Variants in PADI1 observed in about 807,000 individuals in gnomAD.
PADI1 encodes the protein protein-arginine deiminase type-1.
A neutral mutation model predicts 74.8 loss-of-function variants in PADI1; 65 were observed. That is an observed-to-expected ratio of 0.87 (90% CI 0.71 to 1.07). The LOEUF is 1.07. PADI1 is among the 50% of genes least tolerant of loss of function. The pLI is 0.00. For missense variants in PADI1, 943 were observed against 854.0 expected (o/e 1.10, Z -1.30); for synonymous variants, 371 against 336.2 (o/e 1.10, Z -1.13).
At chr1:17,208,500 GGC>G (rs1212558727) in intron 1 of PADI1, among the ~76,000 whole-genome samples, 1 of 109,774 alleles carries the variant, frequency 9.1e-6, no homozygotes, top group Admixed American at 8.8e-5. Flanking sequence ...GACTCCAGAG[GGC>G]TAGCTAACCA....
intron 1 of PADI1, among the ~76,000 whole-genome samples, chr1:17,213,972 G>A (rs564698476): frequency 1.3e-5 from 2 of 152,234 alleles, no homozygotes; most frequent in Non-Finnish European, 2.9e-5. Context: ...GGGTGAGTAG[G>A]AGGACGCTGC....
chr1:17,222,290 T>C lies in PADI1; in HGVS notation c.93T>C (p.Ser31=), dbSNP rs754515464. Residue 31 remains serine, a splice_region_variant and synonymous_variant, in exon 2 of 16, where the codon AGT becomes AGC. Transcript: ENST00000375471. ...VGVEAHVDIH[S]DVPKGANSFR... is the part of the protein sequence containing the mutation. Reference sequence around the variant, plus strand: ...TCTTCCCATCTCTCTTCTCTGCCAGTGATGTGCCCAAGGGTGCCAACAGCT... The same window carrying C: ...TCTTCCCATCTCTCTTCTCTGCCAGCGATGTGCCCAAGGGTGCCAACAGCT... The C allele has an allele frequency of 1.2e-5, 19 of 1,612,652 alleles. No homozygotes were observed. The highest frequency in any genetic ancestry group is 1.6e-5 in the Non-Finnish European group (19 of 1,178,762).
intron 8 of PADI1, among the ~76,000 whole-genome samples, chr1:17,229,335 A>G (rs562933432): frequency 2.0e-5 from 3 of 152,270 alleles, no homozygotes; most frequent in Non-Finnish European, 2.9e-5. Context: ...TCTCAGATTT[A>G]GTCTGGGCAG....
chr1:17,237,606 A>C, intron 12 of PADI1, 148 bp downstream of exon 12: 3 of 622,124 alleles, frequency 4.8e-6, no homozygotes, highest in Non-Finnish European at 7.8e-6. Context: ...GCACCCTGAC[A>C]CGCTCATCCT....
chr1:17,236,602 A>G (rs1395289829), intron 11 of PADI1, among the ~76,000 whole-genome samples: 3 of 152,110 alleles, frequency 2.0e-5, no homozygotes, highest in African/African-American at 7.2e-5. Context: ...AAAATTACAA[A>G]AATTAGCCGT....
intron 5 of PADI1, 51 bp downstream of exon 5, chr1:17,225,979 G>A (rs770996598): frequency 9.9e-6 from 16 of 1,611,616 alleles, no homozygotes; most frequent in Non-Finnish European, 1.4e-5. Context: ...GATGGAAGTG[G>A]ATCCTGTTGG....
chr1:17,205,188 G>C lies in PADI1; in HGVS notation c.-30G>C, dbSNP rs922043226. 6 of 1,597,348 alleles carry C rather than the reference G, an allele frequency of 3.8e-6. No individual in the cohort carries two copies. Among genetic ancestry groups the C allele is most frequent in the Non-Finnish European group, 5.1e-6 (6 of 1,165,376 alleles). ...GGACGGGAGCTGGGGAGCCAGGGCTGATCTAGGAGGCTGGGAGCCAGGTGA... is the reference window on the plus strand; with the variant it reads ...GGACGGGAGCTGGGGAGCCAGGGCTCATCTAGGAGGCTGGGAGCCAGGTGA... On this transcript the variant is annotated 5_prime_UTR_variant, in exon 1 of 16. Transcript: ENST00000375471.
At chr1:17,239,531 C>T (rs946299195) in intron 13 of PADI1, 173 bp from the exon 14 acceptor site, 1 of 566,928 alleles carries the variant, frequency 1.8e-6, no homozygotes. Context: ...GTTTTCCTTG[C>T]AGCCATGGCT....
At chr1:17,237,270 C>A in intron 11 of PADI1, 44 bp from the exon 12 acceptor site, 2 of 1,559,710 alleles carry the variant, frequency 1.3e-6, no homozygotes, top group South Asian at 1.2e-5. Flanking sequence ...GGCCTGATGC[C>A]TCTCAGGCAC....
intron 1 of PADI1, among the ~76,000 whole-genome samples, chr1:17,218,272 A>G: frequency 6.6e-6 from 1 of 152,316 alleles, no homozygotes; most frequent in Non-Finnish European, 1.5e-5. Flanking sequence ...TTATACTATT[A>G]TTTTTACATT....
chr1:17,215,524 T>C (rs768925367), intron 1 of PADI1, among the ~76,000 whole-genome samples: 1 of 152,134 alleles, frequency 6.6e-6, no homozygotes, highest in Non-Finnish European at 1.5e-5. Flanking sequence ...AAGGGCTGTG[T>C]CTGGCACCGG....
At chr1:17,213,463 G>A (rs942856766) in intron 1 of PADI1, among the ~76,000 whole-genome samples, 11 of 152,204 alleles carry the variant, frequency 7.2e-5, no homozygotes, top group African/African-American at 2.4e-4. Context: ...ACCCCAGAGA[G>A]AGGCTTCTTT....
In PADI1 at chr1:17,224,407, G is replaced by A. The variant is rs773969090; in HGVS notation, c.387G>A (p.Val129=). ...LEVDTGRTGK[V]KRSQGDKKTW... ...TTGACACAGGCCGCACAGGCAAGGT[G>A]AAGAGGAGCCAAGGGGACAAGGTGA... The change falls in exon 4 of 16, where the codon GTG becomes GTA. Residue 129 remains valine (V), a synonymous_variant. Coordinates refer to ENST00000375471, the MANE Select transcript of PADI1 (RefSeq NM_013358.3). 2.5e-5 allele frequency: 40 copies of A among 1,613,868 alleles called. No individual in the cohort carries two copies. The highest frequency in any genetic ancestry group is 5.0e-5 in the Admixed American group (3 of 59,998).
chr1:17,229,944 C>A (rs775626643), intron 8 of PADI1, 141 bp from the exon 9 acceptor site: 7 of 707,694 alleles, frequency 9.9e-6, no homozygotes, highest in African/African-American at 5.4e-5. Context: ...CTTCCCCATG[C>A]GCCTATGAGC....
chr1:17,223,892 C>A (rs192962853), intron 3 of PADI1, among the ~76,000 whole-genome samples, 199 bp downstream of exon 3: 2 of 152,346 alleles, frequency 1.3e-5, no homozygotes, highest in African/African-American at 4.8e-5. Context: ...CCACAAGGAT[C>A]TAGAAACTTC....
chr1:17,210,573 C>G (rs1490689677), intron 1 of PADI1, among the ~76,000 whole-genome samples: 1 of 152,076 alleles, frequency 6.6e-6, no homozygotes, highest in Non-Finnish European at 1.5e-5. Flanking sequence ...GCGCCCTCAG[C>G]CTGGGCTCTC....
At chr1:17,240,853 A>G (rs1021941529) in intron 15 of PADI1, 93 bp downstream of exon 15, 23 of 1,426,750 alleles carry the variant, frequency 1.6e-5, no homozygotes, top group Non-Finnish European at 2.2e-5. Flanking sequence ...CAGAGGCTGG[A>G]GGGCCCTGCG....
At chr1:17,213,189 A>ATTAGGGAAAAGGAG (rs11267550) in intron 1 of PADI1, among the ~76,000 whole-genome samples, 121,073 of 151,968 alleles carry the variant, frequency 0.8, 48,458 homozygotes, top group East Asian at 0.96. Flanking sequence ...GTAATCTCCT[A>ATTAGGGAAAAGGAG]CCAGGCTGGT....
chr1:17,239,700 G>A lies in PADI1; in HGVS notation c.1553-4G>A, dbSNP rs1285984460. ...AGCTATGTACTGTCTTTCTCTTCTT[G>A]CAGGGTTAAAACACCAGGCAAAAAG... On this transcript the variant is annotated splice_region_variant and splice_polypyrimidine_tract_variant and intron_variant, in intron 13 of 15. Coordinates refer to ENST00000375471, the MANE Select transcript of PADI1 (RefSeq NM_013358.3). 1 of 1,612,034 alleles carries A rather than the reference G, an allele frequency of 6.2e-7. No individual in the cohort carries two copies. The highest frequency in any genetic ancestry group is 8.5e-7 in the Non-Finnish European group (1 of 1,178,082).
Sources: gnomAD v4.1 joint callset for allele counts (sites outside exome capture counted in the v4.1 genomes callset) on GRCh38, gnomAD v4.1.1 for gene constraint, MANE v1.5 for transcripts, NCBI Gene and HGNC (gene_info 2026-07-23, HGNC 2026-07-21) for gene names.